Variants in ATOSA observed in about 807,000 individuals in gnomAD.
ATOSA encodes the protein atos homolog A, also known as atos homolog protein A.
At chr15:52,703,557 C>G in the ATOSA span, among the ~76,000 whole-genome samples, 1 of 152,138 alleles carries the variant, frequency 6.6e-6, no homozygotes, top group Non-Finnish European at 1.5e-5. Flanking sequence ...GCTTAACCAT[C>G]AACCAGCAAT....
chr15:52,605,176 C>G, the ATOSA span: 1 of 1,610,936 alleles, frequency 6.2e-7, no homozygotes, highest in Non-Finnish European at 8.5e-7. Flanking sequence ...ATGAAAGGCT[C>G]TGGTTGAAGT....
chr15:52,585,847 A>T, the ATOSA span, among the ~76,000 whole-genome samples: 7 of 152,210 alleles, frequency 4.6e-5, no homozygotes, highest in Non-Finnish European at 1.0e-4. Flanking sequence ...GTGGCACTGG[A>T]CATCACTCAC....
chr15:52,613,892 A>T, the ATOSA span: 1 of 1,572,346 alleles, frequency 6.4e-7, no homozygotes, highest in Non-Finnish European at 8.7e-7. Context: ...TCCTCAATTT[A>T]ATGTACTCTT....
the ATOSA span, among the ~76,000 whole-genome samples, chr15:52,592,966 G>A: frequency 3.9e-5 from 6 of 152,048 alleles, no homozygotes; most frequent in Non-Finnish European, 5.9e-5. Context: ...GGGCAATATA[G>A]GGAGGCCCTG....
At chr15:52,701,152 C>T in the ATOSA span, among the ~76,000 whole-genome samples, 1 of 152,254 alleles carries the variant, frequency 6.6e-6, no homozygotes, top group African/African-American at 2.4e-5. Context: ...AGTAGACCAA[C>T]AAATGAAATA....
the ATOSA span, among the ~76,000 whole-genome samples, chr15:52,637,781 ACT>A: frequency 2.0e-5 from 3 of 152,114 alleles, no homozygotes; most frequent in African/African-American, 7.2e-5. Context: ...AGCCTCCCTT[ACT>A]CTCTCAGGCA....
the ATOSA span, among the ~76,000 whole-genome samples, chr15:52,660,981 T>C: frequency 6.6e-6 from 1 of 152,204 alleles, no homozygotes; most frequent in Non-Finnish European, 1.5e-5. Flanking sequence ...GCACCTTATA[T>C]GGATTATCTC....
chr15:52,602,232 T>C, the ATOSA span, among the ~76,000 whole-genome samples: 1 of 152,360 alleles, frequency 6.6e-6, no homozygotes, highest in South Asian at 2.1e-4. Context: ...TGCATGTGTG[T>C]GTATACACTT....
At chr15:52,598,892 C>T in the ATOSA span, among the ~76,000 whole-genome samples, 5 of 152,182 alleles carry the variant, frequency 3.3e-5, no homozygotes, top group African/African-American at 9.6e-5. Flanking sequence ...CTTACGAGAT[C>T]CGGTTGTTTA....
the ATOSA span, among the ~76,000 whole-genome samples, chr15:52,629,130 G>C: frequency 2.6e-5 from 4 of 152,268 alleles, no homozygotes; most frequent in South Asian, 2.1e-4. Context: ...GTGGAGTTAA[G>C]AGTTTTTTTG....
the ATOSA span, among the ~76,000 whole-genome samples, chr15:52,604,282 C>A: frequency 6.6e-6 from 1 of 152,266 alleles, no homozygotes; most frequent in East Asian, 1.9e-4. Flanking sequence ...CAACAAAATC[C>A]ATTTGGAATT....
the ATOSA span, among the ~76,000 whole-genome samples, chr15:52,602,757 A>T: frequency 6.6e-6 from 1 of 152,146 alleles, no homozygotes; most frequent in African/African-American, 2.4e-5. Context: ...TCATTTATAG[A>T]AGGCCAGTCT....
At chr15:52,649,710 A>G in the ATOSA span, 2 of 152,332 alleles carry the variant, frequency 1.3e-5, no homozygotes, top group South Asian at 4.1e-4. Flanking sequence ...ATTGTCAAAT[A>G]ATAGACAAAT....
At chr15:52,694,163 T>A in the ATOSA span, among the ~76,000 whole-genome samples, 6 of 109,252 alleles carry the variant, frequency 5.5e-5, no homozygotes, top group Non-Finnish European at 7.6e-5. Flanking sequence ...TATAGATATA[T>A]ATATATTTTT....
the ATOSA span, among the ~76,000 whole-genome samples, chr15:52,621,489 T>A: frequency 6.6e-6 from 1 of 152,256 alleles, no homozygotes; most frequent in African/African-American, 2.4e-5. Flanking sequence ...TCTACTAATA[T>A]GGTTTGGCTG....
the ATOSA span, among the ~76,000 whole-genome samples, chr15:52,668,675 A>G: frequency 3.3e-5 from 5 of 152,308 alleles, no homozygotes; most frequent in African/African-American, 1.2e-4. Flanking sequence ...CTTCATAAAT[A>G]TATACAATTG....
the ATOSA span, among the ~76,000 whole-genome samples, chr15:52,675,267 C>T: frequency 6.6e-6 from 1 of 152,158 alleles, no homozygotes; most frequent in African/African-American, 2.4e-5. Context: ...GTAGAAACTC[C>T]TGACCTTCAG....
At chr15:52,600,314 T>C in the ATOSA span, 1 of 840,802 alleles carries the variant, frequency 1.2e-6, no homozygotes, top group South Asian at 1.6e-5. Context: ...GGTCTCACTC[T>C]GTCACCCAGG....
At chr15:52,638,238 T>C in the ATOSA span, among the ~76,000 whole-genome samples, 929 of 152,348 alleles carry the variant, frequency 6.1e-3, 8 homozygotes, top group African/African-American at 0.022. Flanking sequence ...GCAACAAACT[T>C]GTAGACAAGA....
Sources: gnomAD v4.1 joint callset for allele counts (sites outside exome capture counted in the v4.1 genomes callset) on GRCh38, gnomAD v4.1.1 for gene constraint, MANE v1.5 for transcripts, NCBI Gene and HGNC (gene_info 2026-07-23, HGNC 2026-07-21) for gene names.